Variants in ARG2 observed in about 807,000 individuals in gnomAD.
ARG2 encodes arginase-2, mitochondrial.
Under a neutral mutation model 39.4 loss-of-function variants are expected in ARG2, and 21 were observed. That is an observed-to-expected ratio of 0.53 (90% CI 0.38 to 0.77). The LOEUF is 0.77. ARG2 is among the 30% of genes least tolerant of loss of function. The probability of loss-of-function intolerance (pLI) is 0.00; values close to 1 mark genes in which losing one functional copy is unlikely to be tolerated. For synonymous variants in ARG2, 150 were observed against 156.7 expected (o/e 0.96, Z 0.32); for missense variants, 378 against 426.2 (o/e 0.89, Z 1.00).
intron 2 of ARG2, among the ~76,000 whole-genome samples, chr14:67,628,170 T>A (rs905034033): frequency 6.6e-6 from 1 of 152,206 alleles, no homozygotes; most frequent in Admixed American, 6.5e-5. Context: ...TAGTGACCTA[T>A]TTCTTTGGGT....
chr14:67,646,681 G>C lies in ARG2; in HGVS notation c.560G>C (p.Cys187Ser). 5.6e-6 allele frequency: 9 copies of C among 1,613,690 alleles called. No individual in the cohort carries two copies. Among genetic ancestry groups the C allele is most frequent in the Non-Finnish European group, 7.6e-6 (9 of 1,179,666 alleles). Residue 187 changes from cysteine to serine, a missense_variant, in exon 5 of 8, where the codon TGT (cysteine) becomes TCT (serine). Cys to Ser is a moderately radical substitution (Grantham distance 112). Coordinates refer to ENST00000261783, the MANE Select transcript of ARG2 (RefSeq NM_001172.4). Reference sequence around the variant, plus strand: ...CCAGGATTTTCCTGGATCAAACCTTGTATCTCTTCTGCAAGTATTGTGTAT... The same window carrying C: ...CCAGGATTTTCCTGGATCAAACCTTCTATCTCTTCTGCAAGTATTGTGTAT... The part of the protein sequence containing the change: ...QLPGFSWIKP[C>S]ISSASIVYIG...
At chr14:67,637,722 A>T (rs1186277371) in intron 2 of ARG2, among the ~76,000 whole-genome samples, 1 of 152,222 alleles carries the variant, frequency 6.6e-6, no homozygotes, top group Non-Finnish European at 1.5e-5. Context: ...TTATGTAATT[A>T]ACTAGAATAG....
chr14:67,635,856 A>G (rs1237891935), intron 2 of ARG2, among the ~76,000 whole-genome samples: 2 of 152,200 alleles, frequency 1.3e-5, no homozygotes, highest in African/African-American at 4.8e-5. Flanking sequence ...CATCTAAAAA[A>G]AATTTTTTTT....
At chr14:67,623,534 CTTTTTTTTTTTTTTT>C (rs60604937) in intron 2 of ARG2, among the ~76,000 whole-genome samples, 2 of 82,924 alleles carry the variant, frequency 2.4e-5, no homozygotes, top group African/African-American at 4.9e-5. Context: ...CTCAGGTAAC[CTTTTTTTTTTTTTTT>C]TTTTTTTTTT....
At position 67,647,017 on chromosome 14, in the gene ARG2, G is replaced by A. The variant is rs1400078431; in HGVS notation, c.714G>A (p.Leu238=). Residue 238 remains leucine, a synonymous_variant, in exon 6 of 8, where the codon CTG becomes CTA. Coordinates refer to ENST00000261783, the MANE Select transcript of ARG2 (RefSeq NM_001172.4). ...QKVMERTFDL[L]IGKRQRPIHL... is the part of the protein sequence containing the mutation. ...TCATGGAACGAACATTTGATCTGCT[G>A]ATTGGCAAGTAAGTAACTATAACTG... The A allele has an allele frequency of 6.2e-7, 1 of 1,606,604 alleles. No individual in the cohort carries two copies. Among genetic ancestry groups the A allele is most frequent in the Non-Finnish European group, 8.5e-7 (1 of 1,173,676 alleles).
intron 3 of ARG2, among the ~76,000 whole-genome samples, chr14:67,643,835 A>G (rs17249472): frequency 0.13 from 17,611 of 134,998 alleles, 1,156 homozygotes; most frequent in East Asian, 0.22. Flanking sequence ...AGAAGCAGGT[A>G]GATTCCTCCT....
chr14:67,637,262 T>C (rs925432499), intron 2 of ARG2, among the ~76,000 whole-genome samples: 4 of 151,426 alleles, frequency 2.6e-5, no homozygotes, highest in Non-Finnish European at 3.0e-5. Context: ...CTACAAAAAT[T>C]AGCTGGGCAT....
At chr14:67,641,233 A>G (rs2037027485) in intron 2 of ARG2, among the ~76,000 whole-genome samples, 2 of 152,248 alleles carry the variant, frequency 1.3e-5, no homozygotes, top group South Asian at 4.1e-4. Flanking sequence ...TAAAGTGTGT[A>G]TGAAACACAA....
chr14:67,638,617 T>G (rs568410849), intron 2 of ARG2, among the ~76,000 whole-genome samples: 45 of 152,252 alleles, frequency 3.0e-4, no homozygotes, highest in African/African-American at 1.1e-3. Flanking sequence ...GTGCAAATTA[T>G]AGAGTTGAGT....
chr14:67,650,939 A>G lies in ARG2; in HGVS notation c.*19A>G, dbSNP rs2037167148. 2 of 1,609,370 alleles carry G rather than the reference A, an allele frequency of 1.2e-6. No homozygotes were observed. Among genetic ancestry groups the G allele is most frequent in the Non-Finnish European group, 1.7e-6 (2 of 1,176,564 alleles). ...AATTTAGGAGACACTGTGCACTGACATGTTTCACAACAGGCATTCCAGAAT... is the reference window on the plus strand; with the variant it reads ...AATTTAGGAGACACTGTGCACTGACGTGTTTCACAACAGGCATTCCAGAAT... On this transcript the variant is annotated 3_prime_UTR_variant, in exon 8 of 8. Transcript: ENST00000261783.
At chr14:67,627,949 C>T (rs1272901841) in intron 2 of ARG2, among the ~76,000 whole-genome samples, 2 of 152,184 alleles carry the variant, frequency 1.3e-5, no homozygotes, top group South Asian at 2.1e-4. Context: ...TAAAGTCACT[C>T]TGATATGTAT....
Position 67,648,062 on chromosome 14 carries a change from C to T in ARG2, c.738C>T (p.Ile246=). The T allele has an allele frequency of 6.2e-7, 1 of 1,612,456 alleles. No homozygotes were observed. Among genetic ancestry groups the T allele is most frequent in the Non-Finnish European group, 8.5e-7 (1 of 1,179,068 alleles). Reference sequence around the variant, plus strand: ...TCCTTTTTAGGAGACAAAGACCAATCCATTTGAGTTTTGATATTGATGCAT... The same window carrying T: ...TCCTTTTTAGGAGACAAAGACCAATTCATTTGAGTTTTGATATTGATGCAT... ...DLLIGKRQRP[I]HLSFDIDAFD... The change falls in exon 7 of 8, where the codon ATC becomes ATT. Residue 246 remains isoleucine, a synonymous_variant. Coordinates refer to ENST00000261783, the MANE Select transcript of ARG2 (RefSeq NM_001172.4).
intron 6 of ARG2, 147 bp from the exon 7 acceptor site, chr14:67,647,900 G>A: frequency 2.6e-6 from 2 of 767,964 alleles, no homozygotes; most frequent in East Asian, 2.7e-5. Context: ...AGAATAGGAA[G>A]CCTGGAAATG....
intron 4 of ARG2, among the ~76,000 whole-genome samples, chr14:67,646,279 C>T (rs2037097842): frequency 6.6e-6 from 1 of 152,166 alleles, no homozygotes; most frequent in Non-Finnish European, 1.5e-5. Context: ...CGGCTGTTGG[C>T]AACTTGAGAT....
chr14:67,649,342 T>G (rs886799452), intron 7 of ARG2: 1 of 152,106 alleles, frequency 6.6e-6, no homozygotes, highest in African/African-American at 2.4e-5. Flanking sequence ...GGCAACATAG[T>G]GTGACCCCGT....
Position 67,620,904 on chromosome 14 carries a change from G to A in ARG2, c.122G>A (p.Gly41Glu), listed in dbSNP as rs1311052590. 4.3e-6 allele frequency: 7 copies of A among 1,614,028 alleles called. No homozygotes were observed. In the East Asian group the frequency reaches 1.6e-4, roughly 36 times the overall value. The stretch of plus-strand genomic sequence containing the variant: ...TTGTGTGACTGACAGAAAAGAAAAG[G>A]AGTGGAGCATGGTCCCGCTGCCATA... ...APFSQGQKRK[G>E]VEHGPAAIRE... Residue 41 changes from glycine (G) to glutamate (E), a missense_variant, in exon 2 of 8, where the codon GGA (glycine) becomes GAA (glutamate). Coordinates refer to ENST00000261783, the MANE Select transcript of ARG2 (RefSeq NM_001172.4).
chr14:67,628,177 G>A (rs1178390176), intron 2 of ARG2, among the ~76,000 whole-genome samples: 2 of 152,062 alleles, frequency 1.3e-5, no homozygotes, highest in Non-Finnish European at 2.9e-5. Flanking sequence ...CTATTTCTTT[G>A]GGTTCAAGCT....
chr14:67,621,051 A>G (rs1382946693), intron 2 of ARG2, 85 bp downstream of exon 2: 3 of 1,327,406 alleles, frequency 2.3e-6, no homozygotes, highest in Non-Finnish European at 3.2e-6. Context: ...GGGACTACAC[A>G]GCTTTGTGTT....
rs769687561 is a variant in ARG2, at chr14:67,646,721, CGTG to C, written c.602_604del (p.Val201del). The stretch of plus-strand genomic sequence containing the variant: ...GTATTGTGTATATTGGTCTGAGAGA[CGTG>C]GACCCTCCTGAACAGTAAGTTGATG... On this transcript the variant is annotated inframe_deletion, in exon 5 of 8. Transcript: ENST00000261783. The C allele has an allele frequency of 6.2e-7, 1 of 1,612,774 alleles. No individual in the cohort carries two copies. Among genetic ancestry groups the C allele is most frequent in the African/African-American group, 1.3e-5 (1 of 74,978 alleles).
Sources: allele counts gnomAD v4.1 joint callset (sites outside exome capture counted in the v4.1 genomes callset), GRCh38; gene constraint gnomAD v4.1.1; transcripts MANE v1.5; gene names NCBI Gene and HGNC (gene_info 2026-07-23, HGNC 2026-07-21).